The following TMEM135 variants were observed in gnomAD, a reference collection of about 807,000 sequenced individuals.
The protein encoded by TMEM135 is transmembrane protein 135.
In TMEM135, 30 loss-of-function variants were observed where a neutral mutation model predicts 60.3. That is an observed-to-expected ratio of 0.50 (90% CI 0.37 to 0.68). TMEM135 has a LOEUF of 0.68. Among genes scored for constraint, TMEM135 ranks in the 30% least tolerant of loss-of-function variants. TMEM135 has a pLI of 0.00. For missense variants in TMEM135, 468 were observed against 548.8 expected, an observed-to-expected ratio of 0.85 and a Z score of 1.47; for synonymous variants, 190 against 186.7, an observed-to-expected ratio of 1.02 and a Z score of -0.14.
At chr11:87,044,938 C>T (rs1044284169) in intron 1 of TMEM135, among the ~76,000 whole-genome samples, 11 of 152,044 alleles carry the variant, frequency 7.2e-5, no homozygotes, top group African/African-American at 1.9e-4. Context: ...TAAGCCACCA[C>T]GCCCGGCCGT....
intron 11 of TMEM135, among the ~76,000 whole-genome samples, chr11:87,313,933 G>A (rs571020046): frequency 6.6e-6 from 1 of 151,648 alleles, no homozygotes; most frequent in African/African-American, 2.4e-5. Flanking sequence ...TGCAATGTAT[G>A]TATTAAATTA....
chr11:87,069,432 T>C (rs1310710262), intron 2 of TMEM135, among the ~76,000 whole-genome samples: 2 of 152,094 alleles, frequency 1.3e-5, no homozygotes, highest in Admixed American at 6.5e-5. Flanking sequence ...ATCCTGAAGA[T>C]ACTAGGAGAC....
At chr11:87,242,568 A>C (rs1941163032) in intron 6 of TMEM135, among the ~76,000 whole-genome samples, 1 of 103,012 alleles carries the variant, frequency 9.7e-6, no homozygotes, top group Non-Finnish European at 2.2e-5. Context: ...ATGGTATCTC[A>C]TTGTGGTTTT....
At position 87,323,928 on chromosome 11, in the gene TMEM135, A is replaced by C. The variant is rs1942871576; in HGVS notation, c.*2595A>C. On this transcript the variant is annotated 3_prime_UTR_variant, in exon 15 of 15. Coordinates refer to ENST00000305494, the MANE Select transcript of TMEM135 (RefSeq NM_022918.4). ...TGAACTATAAGCATAGTCATCACTC[A>C]GTTGATATCTAGTTTATTTTTTGCC... The C allele has an allele frequency of 4.4e-6, 2 of 453,678 alleles. No individual in the cohort carries two copies. Among genetic ancestry groups the C allele is most frequent in the Non-Finnish European group, 4.4e-6 (1 of 226,738 alleles). The allele number at this position is 453,678 out of a possible 1,614,324, so 28.1% of individuals were successfully genotyped here.
intron 5 of TMEM135, among the ~76,000 whole-genome samples, chr11:87,196,064 A>G (rs1361719513): frequency 6.6e-6 from 1 of 152,106 alleles, no homozygotes; most frequent in Non-Finnish European, 1.5e-5. Flanking sequence ...ATAAACTTGT[A>G]TGGAATGATA....
intron 1 of TMEM135, among the ~76,000 whole-genome samples, chr11:87,053,378 T>C (rs1590981284): frequency 6.6e-6 from 1 of 152,258 alleles, no homozygotes; most frequent in East Asian, 1.9e-4. Flanking sequence ...TTATGTTGTA[T>C]AAATCTATCT....
intron 5 of TMEM135, among the ~76,000 whole-genome samples, chr11:87,223,425 C>T (rs1361268770): frequency 6.6e-6 from 1 of 152,078 alleles, no homozygotes; most frequent in East Asian, 1.9e-4. Context: ...CTGCCTTGGT[C>T]TCCCAAAGTG....
At chr11:87,119,682 T>C (rs747194458) in intron 4 of TMEM135, among the ~76,000 whole-genome samples, 17 of 152,166 alleles carry the variant, frequency 1.1e-4, no homozygotes, top group Non-Finnish European at 1.8e-4. Flanking sequence ...GCCTGGGTGA[T>C]AGAAAGACTC....
chr11:87,283,479 A>T (rs924229963), intron 6 of TMEM135, among the ~76,000 whole-genome samples: 1 of 152,208 alleles, frequency 6.6e-6, no homozygotes, highest in East Asian at 1.9e-4. Context: ...AGCCTGTTAT[A>T]GTTTTGAATA....
At chr11:87,157,555 C>T (rs1215762876) in intron 5 of TMEM135, 149 bp downstream of exon 5, 2 of 643,854 alleles carry the variant, frequency 3.1e-6, no homozygotes, top group Admixed American at 6.0e-5. Context: ...ATGAACAAAT[C>T]CATTTTAATT....
chr11:87,133,403 A>G (rs1412174825), intron 4 of TMEM135, among the ~76,000 whole-genome samples: 2 of 152,014 alleles, frequency 1.3e-5, no homozygotes, highest in South Asian at 2.1e-4. Flanking sequence ...CCTCCCCACC[A>G]CTCACATACC....
At chr11:87,248,462 G>A (rs966630399) in intron 6 of TMEM135, among the ~76,000 whole-genome samples, 28 of 152,132 alleles carry the variant, frequency 1.8e-4, no homozygotes, top group Non-Finnish European at 4.0e-4. Flanking sequence ...GTGATGTTGA[G>A]CACCTTCTTA....
chr11:87,155,106 C>G (rs905074377), intron 4 of TMEM135, among the ~76,000 whole-genome samples: 1 of 152,212 alleles, frequency 6.6e-6, no homozygotes, highest in Admixed American at 6.5e-5. Flanking sequence ...TCAAGTTATT[C>G]TCCTGCCTCA....
At chr11:87,203,342 C>T (rs1015409631) in intron 5 of TMEM135, among the ~76,000 whole-genome samples, 1 of 152,038 alleles carries the variant, frequency 6.6e-6, no homozygotes, top group African/African-American at 2.4e-5. Context: ...CTCAAAAATC[C>T]TCTGTGCTCC....
intron 6 of TMEM135, among the ~76,000 whole-genome samples, chr11:87,292,499 A>G (rs548081790): frequency 6.6e-6 from 1 of 152,350 alleles, no homozygotes; most frequent in East Asian, 1.9e-4. Flanking sequence ...AATCCATAGA[A>G]TAATGAGGAA....
At chr11:87,285,011 TAATC>T (rs1202859153) in intron 6 of TMEM135, among the ~76,000 whole-genome samples, 2 of 152,220 alleles carry the variant, frequency 1.3e-5, no homozygotes, top group African/African-American at 4.8e-5. Flanking sequence ...TAAATTGAAA[TAATC>T]AATTTAACCT....
At chr11:87,214,466 G>T (rs924670671) in intron 5 of TMEM135, among the ~76,000 whole-genome samples, 2 of 152,124 alleles carry the variant, frequency 1.3e-5, no homozygotes, top group Non-Finnish European at 2.9e-5. Context: ...ACCTGTATTG[G>T]GAAGTTACAT....
intron 1 of TMEM135, among the ~76,000 whole-genome samples, chr11:87,041,223 A>T (rs938619635): frequency 1.3e-5 from 2 of 152,032 alleles, no homozygotes; most frequent in African/African-American, 2.4e-5. Context: ...TGAAGGTTAG[A>T]GACATTAAGT....
chr11:87,066,432 C>G (rs1856653217), intron 1 of TMEM135, among the ~76,000 whole-genome samples: 1 of 152,054 alleles, frequency 6.6e-6, no homozygotes, highest in Admixed American at 6.6e-5. Flanking sequence ...TCCTCAGTAT[C>G]TATATATCTT....
Sources: allele counts gnomAD v4.1 joint callset (sites outside exome capture counted in the v4.1 genomes callset), GRCh38; gene constraint gnomAD v4.1.1; transcripts MANE v1.5; gene names NCBI Gene and HGNC (gene_info 2026-07-23, HGNC 2026-07-21).